ERC2: variants seen among roughly 807,000 people sequenced by gnomAD.
ERC2 encodes the protein ERC protein 2.
Under a neutral mutation model 114.8 loss-of-function variants are expected in ERC2, and 42 were observed. That is an observed-to-expected ratio of 0.37 (90% confidence interval 0.29 to 0.47). ERC2 has a LOEUF of 0.47. Among genes scored for constraint, ERC2 ranks in the 20% least tolerant of loss-of-function variants. The pLI, the probability that ERC2 is intolerant of heterozygous loss-of-function variation, is 0.99. For synonymous variants in ERC2, 454 were observed against 425.5 expected, an observed-to-expected ratio of 1.07 and a Z score of -0.82; for missense variants, 939 against 1,150.7, an observed-to-expected ratio of 0.82 and a Z score of 2.66.
At chr3:56,273,209 A>G (rs1356917510) in intron 3 of ERC2, among the ~76,000 whole-genome samples, 1 of 151,408 alleles carries the variant, frequency 6.6e-6, no homozygotes, top group Non-Finnish European at 1.5e-5. Flanking sequence ...GCATTAGCAA[A>G]TGTGCCAAGA....
chr3:56,275,998 C>T (rs1002076953), intron 3 of ERC2, among the ~76,000 whole-genome samples: 4 of 152,182 alleles, frequency 2.6e-5, no homozygotes, highest in Admixed American at 2.6e-4. Flanking sequence ...TTCATTTAGA[C>T]TTCTTTCAAA....
At chr3:55,875,212 C>T (rs1368516575) in intron 14 of ERC2, among the ~76,000 whole-genome samples, 13 of 152,196 alleles carry the variant, frequency 8.5e-5, no homozygotes, top group Admixed American at 8.5e-4. Context: ...AGAAAACTTC[C>T]AGAGGCAGAG....
intron 1 of ERC2, among the ~76,000 whole-genome samples, chr3:56,446,619 T>C (rs1417502722): frequency 2.6e-5 from 3 of 116,346 alleles, no homozygotes; most frequent in African/African-American, 7.3e-5. Flanking sequence ...TTCTTTTTTT[T>C]TTTTTCTTTC....
At chr3:55,811,108 T>C (rs1009969132) in intron 14 of ERC2, among the ~76,000 whole-genome samples, 1 of 152,194 alleles carries the variant, frequency 6.6e-6, no homozygotes, top group East Asian at 1.9e-4. Context: ...CACATGTGGC[T>C]AACATGCATT....
intron 17 of ERC2, among the ~76,000 whole-genome samples, chr3:55,531,406 C>T (rs1427931609): frequency 6.6e-6 from 1 of 152,146 alleles, no homozygotes; most frequent in Admixed American, 6.5e-5. Context: ...GCTGATCCTT[C>T]CCCATGACAA....
intron 15 of ERC2, among the ~76,000 whole-genome samples, chr3:55,710,261 G>C (rs756019054): frequency 6.6e-6 from 1 of 152,034 alleles, no homozygotes. Context: ...ATCATTTGCA[G>C]GTCTCCCCAC....
intron 3 of ERC2, among the ~76,000 whole-genome samples, chr3:56,184,726 C>T (rs2083486178): frequency 6.6e-6 from 1 of 152,186 alleles, no homozygotes; most frequent in East Asian, 1.9e-4. Context: ...CCTCTGCAAA[C>T]ATCTAGTATT....
intron 2 of ERC2, among the ~76,000 whole-genome samples, chr3:56,320,764 CA>C (rs1275561865): frequency 6.6e-6 from 1 of 152,108 alleles, no homozygotes; most frequent in Non-Finnish European, 1.5e-5. Context: ...ATGCATAAAA[CA>C]ATAATAATGA....
intron 17 of ERC2, among the ~76,000 whole-genome samples, chr3:55,554,419 C>T (rs2055449784): frequency 6.6e-6 from 1 of 152,152 alleles, no homozygotes; most frequent in Admixed American, 6.5e-5. Context: ...TCCGTCCTTC[C>T]ATTTTGTCTG....
At chr3:55,709,682 C>G (rs1559531265) in intron 15 of ERC2, among the ~76,000 whole-genome samples, 1 of 152,200 alleles carries the variant, frequency 6.6e-6, no homozygotes, top group East Asian at 1.9e-4. Flanking sequence ...AATGGAAGGG[C>G]ATAAACCTCC....
chr3:55,683,749 G>C, intron 17 of ERC2, 45 bp downstream of exon 17: 1 of 1,496,074 alleles, frequency 6.7e-7, no homozygotes, highest in Admixed American at 1.7e-5. Context: ...TACAACACTA[G>C]AATGCAATTT....
intron 17 of ERC2, among the ~76,000 whole-genome samples, chr3:55,523,187 G>C (rs1038993457): frequency 6.6e-6 from 1 of 152,204 alleles, no homozygotes; most frequent in African/African-American, 2.4e-5. Context: ...CACTGCCAAA[G>C]CCCAATGCAG....
intron 15 of ERC2, among the ~76,000 whole-genome samples, chr3:55,713,952 C>G (rs1479256978): frequency 6.6e-6 from 1 of 152,228 alleles, no homozygotes; most frequent in African/African-American, 2.4e-5. Flanking sequence ...TCAACCTTAT[C>G]AAAAACCAAA....
chr3:55,763,229 T>C (rs1390992214), intron 14 of ERC2, among the ~76,000 whole-genome samples: 1 of 152,186 alleles, frequency 6.6e-6, no homozygotes, highest in Non-Finnish European at 1.5e-5. Context: ...GAGGAAGAAT[T>C]AATTGTCTCC....
At position 56,156,719 on chromosome 3, in the gene ERC2, C is replaced by T. The variant is rs111576750; in HGVS notation, c.1150-7587G>A. ...TACATCCCTAGTGCATGGAAGGGAG[C>T]ACTGGCTGATTAAAAATCATTTCCA... On this transcript the variant is annotated intron_variant, in intron 4 of 17. Coordinates refer to ENST00000288221, the MANE Select transcript of ERC2 (RefSeq NM_015576.3). Among the ~76,000 whole-genome samples the T allele has an allele frequency of 3.3e-3, 495 of 152,274 alleles. 1 individual carries two copies. Among genetic ancestry groups the T allele is most frequent in the African/African-American group, 0.011 (476 of 41,546 alleles).
chr3:55,751,064 C>T lies in ERC2; in HGVS notation c.2565-16146G>A, dbSNP rs543874077. The stretch of plus-strand genomic sequence containing the variant: ...TCCTATGATTGGTCCATGACTTCCA[C>T]GGTCTGGAAAACATTCACGTGATTG... On this transcript the variant is annotated intron_variant, in intron 14 of 17. Coordinates refer to ENST00000288221, the MANE Select transcript of ERC2 (RefSeq NM_015576.3). Among the ~76,000 whole-genome samples the T allele has an allele frequency of 7.9e-5, 12 of 152,300 alleles. No homozygotes were observed. In the South Asian group the frequency reaches 8.3e-4, roughly 11 times the overall value.
chr3:56,143,213 C>T (rs1344916805), intron 5 of ERC2, among the ~76,000 whole-genome samples: 1 of 152,220 alleles, frequency 6.6e-6, no homozygotes, highest in African/African-American at 2.4e-5. Flanking sequence ...AGGGTTCCTA[C>T]AATCCCTCAT....
chr3:55,963,421 G>A (rs943267908), intron 12 of ERC2, among the ~76,000 whole-genome samples: 6 of 152,132 alleles, frequency 3.9e-5, no homozygotes, highest in South Asian at 2.1e-4. Flanking sequence ...TCAACACAAC[G>A]TTCCCTTTTT....
At chr3:56,211,635 A>C (rs1032482364) in intron 3 of ERC2, among the ~76,000 whole-genome samples, 7 of 152,226 alleles carry the variant, frequency 4.6e-5, no homozygotes, top group Admixed American at 1.3e-4. Flanking sequence ...AAGAACCCAC[A>C]TAGCCAAAGC....
Sources: allele counts gnomAD v4.1 joint callset (sites outside exome capture counted in the v4.1 genomes callset), GRCh38; gene constraint gnomAD v4.1.1; transcripts MANE v1.5; gene names NCBI Gene and HGNC (gene_info 2026-07-23, HGNC 2026-07-21).